Variants in BEND7 observed in about 807,000 individuals in gnomAD.
BEND7 encodes the protein BEN domain containing 7.
BEND7 carries 28 observed loss-of-function variants against 50.9 expected under a neutral mutation model. That is an observed-to-expected ratio of 0.55 (90% CI 0.41 to 0.75). The LOEUF is 0.75. BEND7 is among the 30% of genes least tolerant of loss of function. The pLI is 0.00. For synonymous variants in BEND7, 170 were observed against 183.9 expected, an observed-to-expected ratio of 0.92 and a Z score of 0.61; for missense variants, 477 against 491.3, an observed-to-expected ratio of 0.97 and a Z score of 0.28.
intron 2 of BEND7, among the ~76,000 whole-genome samples, chr10:13,511,609 T>A (rs1477713591): frequency 6.6e-6 from 1 of 152,166 alleles, no homozygotes; most frequent in African/African-American, 2.4e-5. Context: ...CTGGAATACA[T>A]GCTAAGGCCA....
At chr10:13,469,160 G>A (rs2074548971) in intron 6 of BEND7, among the ~76,000 whole-genome samples, 1 of 152,206 alleles carries the variant, frequency 6.6e-6, no homozygotes, top group Non-Finnish European at 1.5e-5. Context: ...CATCCAAGGG[G>A]TAGGGCTGAT....
chr10:13,493,639 G>A (rs539730547), intron 4 of BEND7, among the ~76,000 whole-genome samples: 5 of 152,260 alleles, frequency 3.3e-5, no homozygotes, highest in South Asian at 4.2e-4. Flanking sequence ...GAAAAGCACA[G>A]TACAGGAACC....
rs955865746 is a variant in BEND7 at position 13,447,668 on chromosome 10, C to T, written c.1184-352G>A. Among the ~76,000 whole-genome samples the T allele has an allele frequency of 2.6e-5, 4 of 151,460 alleles. No individual in the cohort carries two copies. In the East Asian group the frequency reaches 5.8e-4, roughly 22 times the overall value. On this transcript the variant is annotated intron_variant, in intron 7 of 8. Transcript: ENST00000466271. The stretch of plus-strand genomic sequence containing the variant: ...ACGCCATTCTCCTGCCTCAGCCTCC[C>T]GAGTAGCTGGGACTACAGGCGCCCG...
At chr10:13,440,642 C>A (rs551996400), downstream of BEND7, among the ~76,000 whole-genome samples, 1 of 152,334 alleles carries the variant, frequency 6.6e-6, no homozygotes, top group East Asian at 1.9e-4. Context: ...AGGTGCCCGG[C>A]GAGGAGTGGC....
chr10:13,499,154 CCTT>C (rs2077252336), intron 3 of BEND7, among the ~76,000 whole-genome samples: 1 of 152,012 alleles, frequency 6.6e-6, no homozygotes, highest in African/African-American at 2.4e-5. Flanking sequence ...AGGTTTTTCT[CCTT>C]AAGCTTTGAA....
chr10:13,473,249 G>A (rs1479215163), intron 6 of BEND7, among the ~76,000 whole-genome samples: 2 of 149,820 alleles, frequency 1.3e-5, no homozygotes, highest in South Asian at 2.2e-4. Flanking sequence ...ATCTGTCATC[G>A]CTGTTAGACT....
chr10:13,444,140 G>A (rs998003648), intron 8 of BEND7: 1 of 151,984 alleles, frequency 6.6e-6, no homozygotes, highest in Non-Finnish European at 1.5e-5. Context: ...CCACACATCT[G>A]TGCTATAGCA....
chr10:13,462,706 T>C (rs4237432), intron 6 of BEND7, among the ~76,000 whole-genome samples: 27,666 of 151,996 alleles, frequency 0.18, 3,759 homozygotes, highest in African/African-American at 0.39. Context: ...CACTAATAGA[T>C]GTTTCAGAGG....
downstream of BEND7, chr10:13,439,553 C>T: frequency 6.7e-7 from 1 of 1,501,702 alleles, no homozygotes. Flanking sequence ...TCACCTGTCT[C>T]CTCCAAATCG....
chr10:13,503,760 G>GA (rs1470714691), intron 2 of BEND7, among the ~76,000 whole-genome samples: 1 of 152,212 alleles, frequency 6.6e-6, no homozygotes, highest in Non-Finnish European at 1.5e-5. Flanking sequence ...ATGGAACACA[G>GA]AAAACTGCAG....
chr10:13,492,584 G>A, intron 5 of BEND7, 27 bp downstream of exon 5: 1 of 1,612,388 alleles, frequency 6.2e-7, no homozygotes, highest in East Asian at 2.2e-5. Flanking sequence ...TAGCATTAGA[G>A]TCAGCAGCCA....
At chr10:13,507,371 G>A (rs1302601240) in intron 2 of BEND7, among the ~76,000 whole-genome samples, 1 of 152,154 alleles carries the variant, frequency 6.6e-6, no homozygotes, top group Non-Finnish European at 1.5e-5. Context: ...ACTTACCTGA[G>A]CAGAATGGAC....
At chr10:13,494,219 C>T (rs376514912) in intron 4 of BEND7, among the ~76,000 whole-genome samples, 10 of 152,092 alleles carry the variant, frequency 6.6e-5, no homozygotes, top group African/African-American at 1.9e-4. Flanking sequence ...GAGATCGAGA[C>T]CATCCTGGCC....
intron 6 of BEND7, among the ~76,000 whole-genome samples, chr10:13,479,003 A>ATT (rs2075662367): frequency 7.4e-6 from 1 of 135,020 alleles, no homozygotes; most frequent in Non-Finnish European, 1.6e-5. Context: ...TATTTGTAAT[A>ATT]TACTTTTTTT....
rs982422221 is a variant in BEND7 at position 13,528,896 on chromosome 10, G to C, written c.-363C>G. ...GCGGGCCGGGCCGGGGCGCGGCGGCGGCGGCGGAGGCGGGGGGCGGCTCGG... is the reference window on the plus strand; with the variant it reads ...GCGGGCCGGGCCGGGGCGCGGCGGCCGCGGCGGAGGCGGGGGGCGGCTCGG... On this transcript the variant is annotated 5_prime_UTR_variant, in exon 1 of 9. Transcript: ENST00000466271. The C allele has an allele frequency of 5.7e-4, 82 of 144,374 alleles. No homozygotes were observed. Among genetic ancestry groups the C allele is most frequent in the African/African-American group, 2.0e-3 (79 of 40,234 alleles). 8.9% of individuals were successfully genotyped at this position (144,374 alleles called of 1,614,324 possible). A position where few individuals can be genotyped will look rare whatever the true frequency, so the allele number is the denominator to read the frequency against.
intron 5 of BEND7, among the ~76,000 whole-genome samples, chr10:13,485,196 T>C (rs936092497): frequency 2.0e-5 from 3 of 152,290 alleles, no homozygotes; most frequent in Non-Finnish European, 1.5e-5. Flanking sequence ...TAGGAGATCA[T>C]GCTAGTTAAC....
chr10:13,466,547 A>G (rs1312293545), intron 6 of BEND7, among the ~76,000 whole-genome samples: 1 of 143,386 alleles, frequency 7.0e-6, no homozygotes, highest in African/African-American at 2.5e-5. Context: ...TCACAGGGTG[A>G]GAAACTGTCT....
At chr10:13,448,205 A>C (rs548337562) in intron 7 of BEND7, among the ~76,000 whole-genome samples, 1 of 152,286 alleles carries the variant, frequency 6.6e-6, no homozygotes, top group South Asian at 2.1e-4. Context: ...AGTCACAAAA[A>C]ACCTTCTGTT....
intron 2 of BEND7, among the ~76,000 whole-genome samples, chr10:13,508,568 A>T (rs927355575): frequency 6.6e-6 from 1 of 152,212 alleles, no homozygotes; most frequent in Admixed American, 6.5e-5. Flanking sequence ...ACACAAATAT[A>T]TCTCCACGTG....
Sources: gnomAD v4.1 joint callset for allele counts (sites outside exome capture counted in the v4.1 genomes callset) on GRCh38, gnomAD v4.1.1 for gene constraint, MANE v1.5 for transcripts, NCBI Gene and HGNC (gene_info 2026-07-23, HGNC 2026-07-21) for gene names.